The following ANXA8 variants were observed in gnomAD, a reference collection of about 807,000 sequenced individuals.
The protein encoded by ANXA8 is annexin A8.
A neutral mutation model predicts 26.8 loss-of-function variants in ANXA8; 9 were observed. That is an observed-to-expected ratio of 0.34 (90% CI 0.20 to 0.59). The LOEUF (loss-of-function observed/expected upper bound fraction) is 0.59. ANXA8 is among the 20% of genes least tolerant of loss of function. The pLI, the probability that ANXA8 is intolerant of heterozygous loss-of-function variation, is 0.84. For missense variants in ANXA8, 83 were observed against 238.5 expected, an observed-to-expected ratio of 0.35 and a Z score of 4.29; for synonymous variants, 39 against 94.8, an observed-to-expected ratio of 0.41 and a Z score of 3.42.
At chr10:47,660,150 G>A in the ANXA8 span, among the ~76,000 whole-genome samples, 2 of 146,724 alleles carry the variant, frequency 1.4e-5, no homozygotes, top group Non-Finnish European at 3.0e-5. Flanking sequence ...GTAATAGTAT[G>A]TATAAAACAT....
At chr10:47,694,302 T>TG in the ANXA8 span, among the ~76,000 whole-genome samples, 2 of 150,276 alleles carry the variant, frequency 1.3e-5, no homozygotes, top group African/African-American at 4.9e-5. Flanking sequence ...ATGGAAATGT[T>TG]GGGAAAAAAA....
chr10:47,620,200 A>G, the ANXA8 span, among the ~76,000 whole-genome samples: 8 of 109,052 alleles, frequency 7.3e-5, 2 homozygotes, highest in Non-Finnish European at 4.0e-5. Flanking sequence ...GTGAGGGTAA[A>G]GTGTAAGTAC....
chr10:47,552,332 T>C, the ANXA8 span, among the ~76,000 whole-genome samples: 1 of 151,190 alleles, frequency 6.6e-6, no homozygotes, highest in Non-Finnish European at 1.5e-5. Flanking sequence ...TCTTAATTAA[T>C]TTCATTCTAA....
chr10:47,692,966 C>A, the ANXA8 span, among the ~76,000 whole-genome samples: 1 of 151,456 alleles, frequency 6.6e-6, no homozygotes, highest in South Asian at 2.1e-4. Flanking sequence ...AACTCCTGTC[C>A]TCAGGTGATC....
At chr10:47,696,510 T>G in the ANXA8 span, 1 of 1,231,094 alleles carries the variant, frequency 8.1e-7, no homozygotes, top group Non-Finnish European at 1.1e-6. Context: ...GCCTGAAGAA[T>G]GTAAGGCACA....
At chr10:47,508,191 A>G in the ANXA8 span, among the ~76,000 whole-genome samples, 2 of 71,118 alleles carry the variant, frequency 2.8e-5, no homozygotes, top group South Asian at 5.9e-4. Flanking sequence ...CAGCCTCCCA[A>G]GTGGCTGGGA....
At chr10:47,943,820 G>A in the ANXA8 span, among the ~76,000 whole-genome samples, 1 of 148,268 alleles carries the variant, frequency 6.7e-6, no homozygotes, top group Non-Finnish European at 1.5e-5. Flanking sequence ...GGCTGCAACT[G>A]CATCATCCTT....
chr10:47,687,053 A>G, the ANXA8 span, among the ~76,000 whole-genome samples: 1 of 151,590 alleles, frequency 6.6e-6, no homozygotes, highest in Non-Finnish European at 1.5e-5. Context: ...GCAGTGAGCC[A>G]TGATTGCACC....
At chr10:47,568,555 T>G in the ANXA8 span, among the ~76,000 whole-genome samples, 1 of 45,440 alleles carries the variant, frequency 2.2e-5, no homozygotes, top group Non-Finnish European at 4.7e-5. Context: ...GAGTCTTGTT[T>G]TTTTTTTTTT....
the ANXA8 span, among the ~76,000 whole-genome samples, chr10:47,522,320 C>A: frequency 1.4e-5 from 2 of 147,178 alleles, no homozygotes; most frequent in African/African-American, 2.6e-5. Context: ...TGTTAAGTCA[C>A]CAGAATAAAT....
chr10:47,952,669 A>G, the ANXA8 span, among the ~76,000 whole-genome samples: 1 of 146,894 alleles, frequency 6.8e-6, no homozygotes, highest in African/African-American at 2.6e-5. Context: ...GGAAGTACAA[A>G]TAATCTAGAA....
chr10:47,974,862 T>C, the ANXA8 span, among the ~76,000 whole-genome samples: 1 of 149,752 alleles, frequency 6.7e-6, no homozygotes, highest in African/African-American at 2.4e-5. Flanking sequence ...AGGAAGAATG[T>C]ATATTCTGTG....
the ANXA8 span, among the ~76,000 whole-genome samples, chr10:47,647,727 A>T: frequency 2.0e-5 from 3 of 151,070 alleles, no homozygotes; most frequent in East Asian, 5.8e-4. Flanking sequence ...TATATTGCGA[A>T]ATCTAAAAGA....
the ANXA8 span, among the ~76,000 whole-genome samples, chr10:47,674,714 C>T: frequency 6.6e-6 from 1 of 151,862 alleles, no homozygotes; most frequent in East Asian, 1.9e-4. Flanking sequence ...TCTTCTTCCT[C>T]ATTTATTTAT....
the ANXA8 span, among the ~76,000 whole-genome samples, chr10:47,591,434 ATTTTTTTTTT>A: frequency 5.0e-5 from 3 of 60,216 alleles, no homozygotes; most frequent in African/African-American, 2.4e-4. Flanking sequence ...TTCTTTCTGA[ATTTTTTTTTT>A]TTTTTTTTTT....
the ANXA8 span, among the ~76,000 whole-genome samples, chr10:47,585,219 G>A: frequency 1.0e-5 from 1 of 99,534 alleles, no homozygotes; most frequent in African/African-American, 4.3e-5. Context: ...AACCGAGATC[G>A]CACCACTGCA....
chr10:47,721,595 G>A, the ANXA8 span, among the ~76,000 whole-genome samples: 2 of 131,344 alleles, frequency 1.5e-5, no homozygotes, highest in South Asian at 4.8e-4. Context: ...GCACTGGTGC[G>A]ATCTCAGCTC....
chr10:47,628,588 T>C, the ANXA8 span, among the ~76,000 whole-genome samples: 1 of 150,316 alleles, frequency 6.7e-6, no homozygotes, highest in Non-Finnish European at 1.5e-5. Flanking sequence ...GTTGTAAAAG[T>C]AGGCTCTGGT....
the ANXA8 span, among the ~76,000 whole-genome samples, chr10:47,591,066 C>G: frequency 7.0e-6 from 1 of 143,686 alleles, no homozygotes; most frequent in Non-Finnish European, 1.5e-5. Flanking sequence ...GAAGTGGGAA[C>G]GCATCTTGTC....
Sources: gnomAD v4.1 joint callset for allele counts (sites outside exome capture counted in the v4.1 genomes callset) on GRCh38, gnomAD v4.1.1 for gene constraint, MANE v1.5 for transcripts, NCBI Gene and HGNC (gene_info 2026-07-23, HGNC 2026-07-21) for gene names.